The following CAMK2D variants were observed in gnomAD, a reference collection of about 807,000 sequenced individuals.
CAMK2D encodes calcium/calmodulin-dependent protein kinase type II subunit delta.
In CAMK2D, 37 loss-of-function variants were observed where a neutral mutation model predicts 84.0. The ratio of observed to expected loss-of-function variants is 0.44; its 90% CI spans 0.34 to 0.58. The LOEUF is 0.58. Ranked by LOEUF, CAMK2D falls within the 20% of genes least tolerant of loss-of-function variation. The pLI is 0.02. For synonymous variants in CAMK2D, 202 were observed against 212.5 expected, an observed-to-expected ratio of 0.95 and a Z score of 0.43; for missense variants, 448 against 652.5, an observed-to-expected ratio of 0.69 and a Z score of 3.41.
chr4:113,702,292 C>G (rs529095045), intron 2 of CAMK2D, among the ~76,000 whole-genome samples: 19 of 152,240 alleles, frequency 1.2e-4, no homozygotes, highest in African/African-American at 4.1e-4. Context: ...AAGGACCAGA[C>G]AGCAAATATT....
At chr4:113,542,940 G>A (rs1160815175) in intron 6 of CAMK2D, among the ~76,000 whole-genome samples, 1 of 152,088 alleles carries the variant, frequency 6.6e-6, no homozygotes, top group Admixed American at 6.5e-5. Flanking sequence ...CTTCTGAATA[G>A]GGGCTAATAG....
chr4:113,744,240 C>T (rs2099599406), intron 2 of CAMK2D, among the ~76,000 whole-genome samples: 1 of 152,170 alleles, frequency 6.6e-6, no homozygotes, highest in African/African-American at 2.4e-5. Context: ...ACATTAAATA[C>T]CTATTTTATT....
chr4:113,687,842 C>A (rs1173045372), intron 2 of CAMK2D, among the ~76,000 whole-genome samples: 3 of 152,116 alleles, frequency 2.0e-5, no homozygotes, highest in Non-Finnish European at 4.4e-5. Context: ...TTCCTACATC[C>A]CTTCTTGGTT....
chr4:113,572,424 G>C (rs1024853603), intron 4 of CAMK2D, among the ~76,000 whole-genome samples: 50 of 151,620 alleles, frequency 3.3e-4, no homozygotes, highest in African/African-American at 1.2e-3. Flanking sequence ...TTTTAATTTG[G>C]TACACTGGAA....
chr4:113,578,482 T>A (rs914274967), intron 4 of CAMK2D, among the ~76,000 whole-genome samples: 2 of 152,208 alleles, frequency 1.3e-5, no homozygotes, highest in African/African-American at 4.8e-5. Context: ...GACAAGTTTT[T>A]CAAGTGTATT....
In CAMK2D at chr4:113,761,438, A is replaced by G; in HGVS notation, c.-370T>C. The G allele has an allele frequency of 1.7e-6, 2 of 1,184,028 alleles. No homozygotes were observed. The highest frequency in any genetic ancestry group is 1.8e-5 in the South Asian group (1 of 54,110). The allele number at this position is 1,184,028 out of a possible 1,614,324, so 73.3% of individuals were successfully genotyped here. A position where few individuals can be genotyped will look rare whatever the true frequency, so the allele number is the denominator to read the frequency against. ...AACAGCCAGGCACGGGACGAGTGGC[A>G]AGCAGTTGCGAAACGATCCGCACTG... On this transcript the variant is annotated 5_prime_UTR_variant, in exon 1 of 21. Coordinates refer to ENST00000511664, the MANE Select transcript of CAMK2D (RefSeq NM_001321571.2).
chr4:113,472,639 T>C (rs2097560431), intron 16 of CAMK2D, among the ~76,000 whole-genome samples: 2 of 152,244 alleles, frequency 1.3e-5, no homozygotes, highest in Non-Finnish European at 2.9e-5. Context: ...TCTAGCTGAC[T>C]ACAATGAAAC....
At chr4:113,581,700 C>T (rs2098811027) in intron 4 of CAMK2D, among the ~76,000 whole-genome samples, 1 of 152,084 alleles carries the variant, frequency 6.6e-6, no homozygotes, top group Admixed American at 6.6e-5. Context: ...CTACTACAGC[C>T]TTCTACTCCT....
chr4:113,613,185 G>A (rs891117216), intron 3 of CAMK2D, among the ~76,000 whole-genome samples: 3 of 152,098 alleles, frequency 2.0e-5, no homozygotes, highest in African/African-American at 7.2e-5. Flanking sequence ...ATATATGCAA[G>A]CACCACAAGG....
chr4:113,655,061 C>A (rs1478893928), intron 3 of CAMK2D, among the ~76,000 whole-genome samples: 1 of 151,964 alleles, frequency 6.6e-6, no homozygotes, highest in Non-Finnish European at 1.5e-5. Flanking sequence ...AATCGTCTTA[C>A]AAAATATATT....
intron 14 of CAMK2D, among the ~76,000 whole-genome samples, chr4:113,503,722 C>CT (rs1004331974): frequency 3.9e-5 from 6 of 152,126 alleles, no homozygotes; most frequent in African/African-American, 1.4e-4. Flanking sequence ...TAAAGTCATG[C>CT]TTTTTTATGA....
chr4:113,610,766 T>G lies in CAMK2D; in HGVS notation c.221-1560A>C, dbSNP rs555999735. Among the ~76,000 whole-genome samples the G allele has an allele frequency of 3.3e-3, 509 of 152,292 alleles. 2 individuals carry two copies. The highest frequency in any genetic ancestry group is 0.012 in the African/African-American group (493 of 41,562). ...AAGCACACTGCAGTCCCCGCTGCCC[T>G]GCCACGCTTATCTTACTTGTCACAG... On this transcript the variant is annotated intron_variant, in intron 3 of 20. Transcript: ENST00000511664.
Position 113,609,531 on chromosome 4 carries a change from T to C in CAMK2D, c.221-325A>G, listed in dbSNP as rs377145255. On this transcript the variant is annotated intron_variant, in intron 3 of 20. Coordinates refer to ENST00000511664, the MANE Select transcript of CAMK2D (RefSeq NM_001321571.2). ...TTTTGAGGTGAATACTAAACAAATGTTAAGGATCATTATAATATATATCCA... is the reference window on the plus strand; with the variant it reads ...TTTTGAGGTGAATACTAAACAAATGCTAAGGATCATTATAATATATATCCA... 4.6e-5 allele frequency among the ~76,000 whole-genome samples: 7 copies of C among 152,288 alleles called. No individual in the cohort carries two copies. In the East Asian group the frequency reaches 1.2e-3, roughly 25 times the overall value.
At chr4:113,514,802 T>C (rs2098264039) in intron 10 of CAMK2D, among the ~76,000 whole-genome samples, 1 of 152,210 alleles carries the variant, frequency 6.6e-6, no homozygotes, top group Non-Finnish European at 1.5e-5. Flanking sequence ...TTCATGAGTA[T>C]TGTTAATAAT....
At chr4:113,648,403 G>A (rs903822461) in intron 3 of CAMK2D, among the ~76,000 whole-genome samples, 35 of 152,148 alleles carry the variant, frequency 2.3e-4, no homozygotes, top group African/African-American at 6.5e-4. Flanking sequence ...TGTTGGGCAC[G>A]TTCATATGCT....
chr4:113,617,108 T>C (rs2099024433), intron 3 of CAMK2D, among the ~76,000 whole-genome samples: 1 of 152,204 alleles, frequency 6.6e-6, no homozygotes, highest in Non-Finnish European at 1.5e-5. Context: ...GTTTTTGTTA[T>C]TCTATCTTCC....
intron 16 of CAMK2D, among the ~76,000 whole-genome samples, chr4:113,487,318 A>C (rs2097774989): frequency 6.6e-6 from 1 of 152,084 alleles, no homozygotes; most frequent in African/African-American, 2.4e-5. Flanking sequence ...AATTAGGGCC[A>C]CTCCACTTAC....
At chr4:113,551,754 G>A (rs1431790122) in intron 5 of CAMK2D, among the ~76,000 whole-genome samples, 1 of 152,142 alleles carries the variant, frequency 6.6e-6, no homozygotes, top group East Asian at 1.9e-4. Flanking sequence ...TTTGATCTCT[G>A]ACTTTCACTA....
At chr4:113,474,360 G>A (rs1169026517) in intron 16 of CAMK2D, among the ~76,000 whole-genome samples, 1 of 152,028 alleles carries the variant, frequency 6.6e-6, no homozygotes, top group Non-Finnish European at 1.5e-5. Flanking sequence ...ATTCTCTAAG[G>A]GTATCTCTTC....
Sources: allele counts gnomAD v4.1 joint callset (sites outside exome capture counted in the v4.1 genomes callset), GRCh38; gene constraint gnomAD v4.1.1; transcripts MANE v1.5; gene names NCBI Gene and HGNC (gene_info 2026-07-23, HGNC 2026-07-21).